Variants in WDR33 observed in about 807,000 individuals in gnomAD.
WDR33 encodes pre-mRNA 3' end processing protein WDR33.
Under a neutral mutation model 164.9 loss-of-function variants are expected in WDR33, and 47 were observed. That is an observed-to-expected ratio of 0.29 (90% CI 0.23 to 0.36). WDR33 has a LOEUF of 0.36. Ranked by LOEUF, WDR33 falls within the 10% of genes least tolerant of loss-of-function variation. The probability of loss-of-function intolerance (pLI) is 1.00; values close to 1 mark genes in which losing one functional copy is unlikely to be tolerated. For synonymous variants in WDR33, 505 were observed against 589.0 expected, an observed-to-expected ratio of 0.86 and a Z score of 2.06; for missense variants, 1,137 against 1,754.1, an observed-to-expected ratio of 0.65 and a Z score of 6.28.
Position 127,702,082 on chromosome 2 carries a change from T to C in WDR33, c.*4241A>G, listed in dbSNP as rs1358766425. 1 of 1,225,488 alleles carries C rather than the reference T, an allele frequency of 8.2e-7. No homozygotes were observed. 75.9% of individuals were successfully genotyped at this position (1,225,488 alleles called of 1,614,324 possible). A position where few individuals can be genotyped will look rare whatever the true frequency, so the allele number is the denominator to read the frequency against. Reference sequence around the variant, plus strand: ...GTGGCCGCGCTGCTGGCCGCGCTGGTTGGGCTGCTGCCCTGGGGCGGCGGC... The same window carrying C: ...GTGGCCGCGCTGCTGGCCGCGCTGGCTGGGCTGCTGCCCTGGGGCGGCGGC... On this transcript the variant is annotated 3_prime_UTR_variant, in exon 22 of 22. Transcript: ENST00000322313.
chr2:127,768,323 G>T, intron 3 of WDR33, 30 bp from the exon 4 acceptor site: 1 of 1,385,332 alleles, frequency 7.2e-7, no homozygotes, highest in Non-Finnish European at 9.8e-7. Flanking sequence ...GGTTCTTAGA[G>T]CTCCTGATTA....
intron 1 of WDR33, among the ~76,000 whole-genome samples, chr2:127,800,417 G>A (rs1181267493): frequency 1.3e-5 from 2 of 152,096 alleles, no homozygotes; most frequent in African/African-American, 2.4e-5. Context: ...GGCGGATCAT[G>A]AGGTCAGGAG....
At chr2:127,747,387 T>C (rs1205399733) in intron 7 of WDR33, among the ~76,000 whole-genome samples, 1 of 151,666 alleles carries the variant, frequency 6.6e-6, no homozygotes, top group Non-Finnish European at 1.5e-5. Flanking sequence ...AAACATTTTA[T>C]CCTCAGTTTG....
At chr2:127,732,231 T>C (rs973387101) in intron 7 of WDR33, among the ~76,000 whole-genome samples, 4 of 151,770 alleles carry the variant, frequency 2.6e-5, no homozygotes, top group African/African-American at 9.7e-5. Flanking sequence ...CTTAAGCTAG[T>C]AACCGTTTTT....
In WDR33 at chr2:127,720,779, C is replaced by A. The variant is rs1466353270; in HGVS notation, c.1672-426G>T. On this transcript the variant is annotated intron_variant, in intron 15 of 21. Coordinates refer to ENST00000322313, the MANE Select transcript of WDR33 (RefSeq NM_018383.5). This position sits in a 1 kb window ranked among gnomAD's most constrained non-coding sequence, Gnocchi z 5.9. ...CTTGCTATATTGCCCAGGCTGATCT[C>A]AAACTCCTGGGTTCAGCTGATCCTC... Among the ~76,000 whole-genome samples, 1 of 152,140 alleles carries A rather than the reference C, an allele frequency of 6.6e-6. No individual in the cohort carries two copies. Among genetic ancestry groups the A allele is most frequent in the East Asian group, 1.9e-4 (1 of 5,194 alleles).
intron 1 of WDR33, among the ~76,000 whole-genome samples, chr2:127,785,076 T>C (rs1688513165): frequency 6.6e-6 from 1 of 152,210 alleles, no homozygotes; most frequent in African/African-American, 2.4e-5. Flanking sequence ...ACAGGTTGCC[T>C]CCATTCATTT....
chr2:127,802,566 G>C (rs1239914866), intron 1 of WDR33, among the ~76,000 whole-genome samples: 1 of 152,096 alleles, frequency 6.6e-6, no homozygotes, highest in Non-Finnish European at 1.5e-5. Context: ...ACAGATGTGA[G>C]CCACCACGCC....
intron 4 of WDR33, among the ~76,000 whole-genome samples, 193 bp from the exon 5 acceptor site, chr2:127,765,462 C>T (rs1407917842): frequency 2.0e-5 from 3 of 152,122 alleles, no homozygotes; most frequent in Non-Finnish European, 4.4e-5. Flanking sequence ...AGCTCTAGTC[C>T]TTTGGTTTAT....
Position 127,770,646 on chromosome 2 carries a change from A to G in WDR33, c.204+132T>C. 1.7e-6 allele frequency: 1 copy of G among 591,262 alleles called. No homozygotes were observed. Among genetic ancestry groups the G allele is most frequent in the Non-Finnish European group, 2.4e-6 (1 of 423,652 alleles). The allele number at this position is 591,262 out of a possible 1,614,324, so 36.6% of individuals were successfully genotyped here. The stretch of plus-strand genomic sequence containing the variant: ...GCAGAGGTTGCAGTGAGCCAAAACC[A>G]CACCACTGCACTCTGGCCTGGGCAA... On this transcript the variant is annotated intron_variant, in intron 2 of 21. Transcript: ENST00000322313. The surrounding 1 kb of genome is among the most constrained non-coding windows in gnomAD (Gnocchi z 4.9).
At chr2:127,792,346 A>C (rs188870541) in intron 1 of WDR33, among the ~76,000 whole-genome samples, 4 of 152,200 alleles carry the variant, frequency 2.6e-5, no homozygotes, top group Non-Finnish European at 2.9e-5. Context: ...AAATTTCCAA[A>C]CTGAGATGTT....
chr2:127,762,069 A>G (rs1277764441), intron 7 of WDR33, among the ~76,000 whole-genome samples: 3 of 152,202 alleles, frequency 2.0e-5, no homozygotes, highest in Non-Finnish European at 4.4e-5. Flanking sequence ...AACCAAGACA[A>G]CGATCTCTGC....
At position 127,720,430 on chromosome 2, in the gene WDR33, A is replaced by G. The variant is rs1049608799; in HGVS notation, c.1672-77T>C. 6.2e-6 allele frequency: 9 copies of G among 1,457,820 alleles called. No homozygotes were observed. In the East Asian group the frequency reaches 7.1e-5, roughly 12 times the overall value. The allele number at this position is 1,457,820 out of a possible 1,614,324, so 90.3% of individuals were successfully genotyped here. A position where few individuals can be genotyped will look rare whatever the true frequency, so the allele number is the denominator to read the frequency against. ...GAAGATGACAATATTGCTATCATGT[A>G]TTCTGTTAGGGGACTCTCAAACATA... On this transcript the variant is annotated intron_variant, in intron 15 of 21. Coordinates refer to ENST00000322313, the MANE Select transcript of WDR33 (RefSeq NM_018383.5). This position sits in a 1 kb window ranked among gnomAD's most constrained non-coding sequence, Gnocchi z 5.9.
Position 127,702,318 on chromosome 2 carries a change from AGCG to A in WDR33, c.*4002_*4004del. ...TAACAGCCTGCGAGTCTAATCCGGG[AGCG>A]GCTGCTGCCAGCGGAGGCGACAGCA... On this transcript the variant is annotated 3_prime_UTR_variant, in exon 22 of 22. Coordinates refer to ENST00000322313, the MANE Select transcript of WDR33 (RefSeq NM_018383.5). 1.1e-6 allele frequency: 1 copy of A among 912,868 alleles called. No homozygotes were observed. The highest frequency in any genetic ancestry group is 5.6e-5 in the South Asian group (1 of 17,862). 56.5% of individuals were successfully genotyped at this position (912,868 alleles called of 1,614,324 possible).
At position 127,720,405 on chromosome 2, in the gene WDR33, G is replaced by A; in HGVS notation, c.1672-52C>T. On this transcript the variant is annotated intron_variant, in intron 15 of 21. Transcript: ENST00000322313. This position sits in a 1 kb window ranked among gnomAD's most constrained non-coding sequence, Gnocchi z 5.9. ...GTTGAATAAACAGGCCAGAGCCCTTGAAGATGACAATATTGCTATCATGTA... is the reference window on the plus strand; with the variant it reads ...GTTGAATAAACAGGCCAGAGCCCTTAAAGATGACAATATTGCTATCATGTA... 2 of 1,484,244 alleles carry A rather than the reference G, an allele frequency of 1.3e-6. No individual in the cohort carries two copies. Among genetic ancestry groups the A allele is most frequent in the South Asian group, 2.9e-5 (2 of 68,070 alleles). 91.9% of individuals were successfully genotyped at this position (1,484,244 alleles called of 1,614,324 possible).
chr2:127,758,647 CT>C (rs1687587530), intron 7 of WDR33, among the ~76,000 whole-genome samples: 1 of 152,068 alleles, frequency 6.6e-6, no homozygotes, highest in Non-Finnish European at 1.5e-5. Flanking sequence ...AGGGGTGAGG[CT>C]GTGGGAGAAA....
At position 127,736,649 on chromosome 2, in the gene WDR33, A is replaced by G. The variant is rs13408078; in HGVS notation, c.725-9872T>C. Reference sequence around the variant, plus strand: ...AGGCTGACCTAAAAGAAACTGTCAAATAGGTTAGAAATTGAAATTAGGCAT... The same window carrying G: ...AGGCTGACCTAAAAGAAACTGTCAAGTAGGTTAGAAATTGAAATTAGGCAT... On this transcript the variant is annotated intron_variant, in intron 7 of 21. Transcript: ENST00000322313. 4.8e-3 allele frequency: 4,711 copies of G among 985,430 alleles called. 181 individuals are homozygous for G. The African/African-American group carries it at 0.078, about 16-fold the overall frequency. 61.0% of individuals were successfully genotyped at this position (985,430 alleles called of 1,614,324 possible). A position where few individuals can be genotyped will look rare whatever the true frequency, so the allele number is the denominator to read the frequency against.
intron 1 of WDR33, among the ~76,000 whole-genome samples, chr2:127,780,337 A>G (rs186148779): frequency 2.8e-4 from 43 of 152,302 alleles, no homozygotes; most frequent in Non-Finnish European, 5.6e-4. Context: ...TTATTTATGT[A>G]TAGTCCACTA....
At position 127,708,749 on chromosome 2, in the gene WDR33, C is replaced by G. The variant is rs1332655895; in HGVS notation, c.3709G>C (p.Asp1237His). ...CTGTGCTCAGAAGTGCCTGGGCCAT[C>G]ATGCCAGGGGCGCTTTCGGGGAGGT... ...SLPPRKRPWH[D>H]GPGTSEHREM... Residue 1237 changes from aspartate to histidine, a missense_variant, in exon 21 of 22, where the codon GAT becomes CAT. By Grantham distance (81) the Asp-to-His change is moderately conservative. Transcript: ENST00000322313. This position sits in a 1 kb window ranked among gnomAD's most constrained non-coding sequence, Gnocchi z 6.7. 6.2e-7 allele frequency: 1 copy of G among 1,613,868 alleles called. No individual in the cohort carries two copies. The highest frequency in any genetic ancestry group is 8.5e-7 in the Non-Finnish European group (1 of 1,179,878).
chr2:127,794,257 T>C (rs7559608), intron 1 of WDR33, among the ~76,000 whole-genome samples: 5,785 of 151,886 alleles, frequency 0.038, 258 homozygotes, highest in South Asian at 0.17. Context: ...CCCAGCACTT[T>C]GGGAGGCAGA....
Sources: gnomAD v4.1 joint callset for allele counts (sites outside exome capture counted in the v4.1 genomes callset) on GRCh38, gnomAD v4.1.1 for gene constraint, Gnocchi (gnomAD v3.1) non-coding constraint, MANE v1.5 for transcripts, NCBI Gene and HGNC (gene_info 2026-07-23, HGNC 2026-07-21) for gene names.